SNX20: variants seen among roughly 807,000 people sequenced by gnomAD.
SNX20 encodes sorting nexin 20.
SNX20 carries 21 observed loss-of-function variants against 24.5 expected under a neutral mutation model. That is an observed-to-expected ratio of 0.86 (90% confidence interval 0.61 to 1.23). The LOEUF is 1.23. Among genes scored for constraint, SNX20 ranks in the 50% most tolerant of loss-of-function variants. The probability of loss-of-function intolerance (pLI) is 0.00; values close to 1 mark genes in which losing one functional copy is unlikely to be tolerated. For missense variants in SNX20, 433 were observed against 430.8 expected (o/e 1.00, Z -0.04); for synonymous variants, 206 against 192.8 (o/e 1.07, Z -0.57).
Position 50,673,961 on chromosome 16 carries a change from C to A in SNX20, c.396G>T (p.Arg132Ser), listed in dbSNP as rs200406825. The A allele has an allele frequency of 1.1e-4, 171 of 1,613,408 alleles. No homozygotes were observed. In the East Asian group the frequency reaches 3.7e-3, roughly 35 times the overall value. The change falls in exon 4 of 4, where the codon AGG becomes AGT. Residue 132 changes from arginine to serine, a missense_variant. Transcript: ENST00000330943. This position sits in a 1 kb window ranked among gnomAD's most constrained non-coding sequence, Gnocchi z 4.1. ...GAAACTCCACGTCTTCGATCTCCTCCCTGAACGTCTTCAGCAGCGCTTTCT... is the reference window on the plus strand; with the variant it reads ...GAAACTCCACGTCTTCGATCTCCTCACTGAACGTCTTCAGCAGCGCTTTCT... ...KLQKALLKTF[R>S]EEIEDVEFPR...
chr16:50,676,718 G>A (rs112063480), intron 2 of SNX20, among the ~76,000 whole-genome samples: 3 of 152,154 alleles, frequency 2.0e-5, no homozygotes, highest in Non-Finnish European at 4.4e-5. Context: ...CTCGTGGCAC[G>A]TGTAACTGTT....
chr16:50,676,013 A>G, intron 2 of SNX20, 92 bp from the exon 3 acceptor site: 3 of 1,348,268 alleles, frequency 2.2e-6, no homozygotes, highest in Non-Finnish European at 3.0e-6. Flanking sequence ...CTGAGATGGC[A>G]TATCAGAACT....
rs188367397 is a variant in SNX20 at position 50,679,539 on chromosome 16, C to T, written c.-10+1651G>A. 2.0e-3 allele frequency among the ~76,000 whole-genome samples: 300 copies of T among 152,334 alleles called. 1 individual carries two copies. The highest frequency in any genetic ancestry group is 6.9e-3 in the African/African-American group (286 of 41,570). ...GGCACGGAGCAGGGGCCTGGCTGGC[C>T]CAGGGCTGCACGTTCTTGAGCATGC... is the stretch of plus-strand genomic sequence containing the variant. On this transcript the variant is annotated intron_variant, in intron 1 of 3. Transcript: ENST00000330943.
chr16:50,671,317 G>A (rs907359923), downstream of SNX20: 4 of 152,060 alleles, frequency 2.6e-5, no homozygotes, highest in African/African-American at 9.7e-5. Context: ...GGACCATGCT[G>A]TGTGTATTCA....
Position 50,673,872 on chromosome 16 carries a change from T to C in SNX20, c.485A>G (p.Gln162Arg). The C allele has an allele frequency of 6.2e-7, 1 of 1,607,116 alleles. No homozygotes were observed. The highest frequency in any genetic ancestry group is 8.5e-7 in the Non-Finnish European group (1 of 1,179,622). ...GGCGTAGAGCAGGCCCAGGTACTCC[T>C]GCAGGGCGCGCCGACGCTCACAGAT... ...EMICERRRAL[Q>R]EYLGLLYAIR... The change falls in exon 4 of 4, where the codon CAG (glutamine) becomes CGG (arginine). Residue 162 changes from glutamine to arginine, a missense_variant. By Grantham distance (43) the Gln-to-Arg change is conservative. Coordinates refer to ENST00000330943, the MANE Select transcript of SNX20 (RefSeq NM_182854.4). This position sits in a 1 kb window ranked among gnomAD's most constrained non-coding sequence, Gnocchi z 4.1.
chr16:50,673,590 C>T lies in SNX20; in HGVS notation c.767G>A (p.Arg256His), dbSNP rs772636555. 70 of 1,588,358 alleles carry T rather than the reference C, an allele frequency of 4.4e-5. 2 individuals carry two copies. The South Asian group carries it at 6.9e-4, about 16-fold the overall frequency. The stretch of plus-strand genomic sequence containing the variant: ...GCGATGGCCCTCCCGGGCCTGCAGG[C>T]GCTGCAGGGCCCTCTCTCCGGCCGC... ...AFAAGERALQ[R>H]LQAREGHRYY... The change falls in exon 4 of 4, where the codon CGC becomes CAC. Residue 256 changes from arginine (R) to histidine (H), a missense_variant. Physicochemically the swap from Arg to His is conservative, Grantham distance 29. Transcript: ENST00000330943. This position sits in a 1 kb window ranked among gnomAD's most constrained non-coding sequence, Gnocchi z 4.1.
downstream of SNX20, chr16:50,667,931 G>A (rs1962952572): frequency 1.5e-5 from 20 of 1,343,124 alleles, no homozygotes; most frequent in South Asian, 1.5e-4. Flanking sequence ...AGCTAGATGG[G>A]TAGGGGGGGA....
At chr16:50,674,627 G>A (rs1283191945) in intron 3 of SNX20, among the ~76,000 whole-genome samples, 4 of 152,200 alleles carry the variant, frequency 2.6e-5, no homozygotes, top group Admixed American at 6.5e-5. Context: ...ACATCTGGGA[G>A]GAGAAAGGGC....
chr16:50,669,423 T>C (rs1962991134), downstream of SNX20: 2 of 393,628 alleles, frequency 5.1e-6, no homozygotes, highest in Admixed American at 7.8e-5. Context: ...CCAGCTCTCA[T>C]GTAAACTAAC....
chr16:50,677,281 A>G, intron 2 of SNX20, 116 bp downstream of exon 2: 4 of 1,351,880 alleles, frequency 3.0e-6, no homozygotes, highest in Non-Finnish European at 3.9e-6. Flanking sequence ...TTTTGGGATA[A>G]CCCAAGTTAC....
rs763657317 is a variant in SNX20, at chr16:50,673,643, G to A, written c.714C>T (p.Arg238=). ...AGGCCTCGGCGGGGCGGTCGAGGTCGCGGTGGCACAGCAGCACGGCGCACA... is the reference window on the plus strand; with the variant it reads ...AGGCCTCGGCGGGGCGGTCGAGGTCACGGTGGCACAGCAGCACGGCGCACA... The part of the protein sequence containing the change: ...PALCAVLLCH[R]DLDRPAEAFA... Residue 238 remains arginine (R), a synonymous_variant, in exon 4 of 4, where the codon CGC becomes CGT. Coordinates refer to ENST00000330943, the MANE Select transcript of SNX20 (RefSeq NM_182854.4). This position sits in a 1 kb window ranked among gnomAD's most constrained non-coding sequence, Gnocchi z 4.1. 4 of 1,531,500 alleles carry A rather than the reference G, an allele frequency of 2.6e-6. No homozygotes were observed. The East Asian group carries it at 7.4e-5, about 28-fold the overall frequency. 94.9% of individuals were successfully genotyped at this position (1,531,500 alleles called of 1,614,324 possible).
intron 2 of SNX20, 22 bp from the exon 3 acceptor site, chr16:50,675,943 G>A (rs367620931): frequency 6.3e-7 from 1 of 1,580,234 alleles, no homozygotes; most frequent in Admixed American, 1.9e-5. Flanking sequence ...ACACCCTTAA[G>A]GATCTGCACC....
At chr16:50,676,687 T>C (rs1220274152) in intron 2 of SNX20, among the ~76,000 whole-genome samples, 1 of 152,182 alleles carries the variant, frequency 6.6e-6, no homozygotes, top group Non-Finnish European at 1.5e-5. Flanking sequence ...CCTACAGGTT[T>C]TTCATTTTAT....
chr16:50,667,812 C>A (rs1962949340), downstream of SNX20: 2 of 620,174 alleles, frequency 3.2e-6, no homozygotes, highest in Non-Finnish European at 5.7e-6. Context: ...AACTGTGCCT[C>A]CCAGCCTGGA....
chr16:50,679,462 G>A (rs768291378), intron 1 of SNX20, among the ~76,000 whole-genome samples: 5 of 152,196 alleles, frequency 3.3e-5, no homozygotes, highest in Non-Finnish European at 7.4e-5. Flanking sequence ...TCCAGTGGGC[G>A]GCCCTCAGGG....
chr16:50,667,892 C>G, downstream of SNX20: 2 of 986,386 alleles, frequency 2.0e-6, no homozygotes, highest in Non-Finnish European at 1.5e-6. Context: ...GAGGGGAGGG[C>G]ATTTTCTTGA....
intron 1 of SNX20, among the ~76,000 whole-genome samples, chr16:50,678,183 C>G (rs961584283): frequency 1.3e-5 from 2 of 152,134 alleles, no homozygotes; most frequent in African/African-American, 4.8e-5. Flanking sequence ...GTCTGGGTGA[C>G]AGAACAAGAC....
chr16:50,676,640 G>A (rs867166113), intron 2 of SNX20, among the ~76,000 whole-genome samples: 44 of 152,204 alleles, frequency 2.9e-4, no homozygotes, highest in African/African-American at 1.0e-3. Context: ...CACTGCAAAT[G>A]CCCCTTGGCA....
chr16:50,678,363 T>C (rs1963229464), intron 1 of SNX20, among the ~76,000 whole-genome samples: 1 of 152,216 alleles, frequency 6.6e-6, no homozygotes, highest in Admixed American at 6.5e-5. Flanking sequence ...TCTAGTTTAA[T>C]GCTCACAAAA....
Sources: allele counts gnomAD v4.1 joint callset (sites outside exome capture counted in the v4.1 genomes callset), GRCh38; gene constraint gnomAD v4.1.1; non-coding constraint Gnocchi (gnomAD v3.1); transcripts MANE v1.5; gene names NCBI Gene and HGNC (gene_info 2026-07-23, HGNC 2026-07-21).